ZSCAN25: variants seen among roughly 807,000 people sequenced by gnomAD.
ZSCAN25 encodes zinc finger and SCAN domain containing 25.
ZSCAN25 carries 27 observed loss-of-function variants against 38.7 expected under a neutral mutation model. That is an observed-to-expected ratio of 0.70 (90% CI 0.51 to 0.96). The LOEUF (loss-of-function observed/expected upper bound fraction) is 0.96, where lower values mean the gene tolerates loss of function less well. Among genes scored for constraint, ZSCAN25 ranks in the 40% least tolerant of loss-of-function variants. The probability of loss-of-function intolerance (pLI) is 0.00; values close to 1 mark genes in which losing one functional copy is unlikely to be tolerated. For missense variants in ZSCAN25, 637 were observed against 705.9 expected, an observed-to-expected ratio of 0.90 and a Z score of 1.11; for synonymous variants, 273 against 277.7, an observed-to-expected ratio of 0.98 and a Z score of 0.17.
In ZSCAN25 at chr7:99,631,010, T is replaced by TA. The variant is rs1386264553; in HGVS notation, c.*992dup. 33 of 951,794 alleles carry TA rather than the reference T, an allele frequency of 3.5e-5. No individual in the cohort carries two copies. In the African/African-American group the frequency reaches 5.5e-4, roughly 16 times the overall value. The allele number at this position is 951,794 out of a possible 1,614,324, so 59.0% of individuals were successfully genotyped here. ...TTCCCAAGTATTTATTGAGGCCCTGTAACAAACATGTCAGGAACTCTTCTG... is the reference window on the plus strand; with the variant it reads ...TTCCCAAGTATTTATTGAGGCCCTGTAAACAAACATGTCAGGAACTCTTCTG... On this transcript the variant is annotated 3_prime_UTR_variant, in exon 8 of 8. Transcript: ENST00000394152.
chr7:99,636,541 C>T (rs1224979130), downstream of ZSCAN25, among the ~76,000 whole-genome samples: 1 of 152,202 alleles, frequency 6.6e-6, no homozygotes, highest in African/African-American at 2.4e-5. Context: ...TCCAACTATA[C>T]CAAGATGTCC....
chr7:99,691,991 G>A, the ZSCAN25 span, among the ~76,000 whole-genome samples: 1 of 152,168 alleles, frequency 6.6e-6, no homozygotes, highest in East Asian at 1.9e-4. Context: ...TCATAGCATC[G>A]ATGGTCTTTA....
the ZSCAN25 span, chr7:99,717,329 A>G: frequency 6.2e-7 from 1 of 1,612,408 alleles, no homozygotes; most frequent in Non-Finnish European, 8.5e-7. Context: ...GAAGGACATG[A>G]CTTTGCCTGG....
chr7:99,659,273 T>G, the ZSCAN25 span: 1 of 152,396 alleles, frequency 6.6e-6, no homozygotes, highest in Non-Finnish European at 1.5e-5. Flanking sequence ...GTCCTTTCTG[T>G]TTGTTAGTTT....
intron 6 of ZSCAN25, 101 bp downstream of exon 6, chr7:99,622,741 A>C: frequency 9.0e-7 from 1 of 1,106,182 alleles, no homozygotes; most frequent in African/African-American, 1.6e-5. Context: ...TCCCGCCCCA[A>C]GTTGAGTCAT....
At chr7:99,658,310 G>A in the ZSCAN25 span, among the ~76,000 whole-genome samples, 16 of 152,236 alleles carry the variant, frequency 1.1e-4, no homozygotes, top group African/African-American at 3.9e-4. Context: ...TTGCTTGTCT[G>A]TAAAGTATTT....
chr7:99,732,823 C>A, the ZSCAN25 span, among the ~76,000 whole-genome samples: 1 of 152,128 alleles, frequency 6.6e-6, no homozygotes, highest in Non-Finnish European at 1.5e-5. Context: ...AAGGCAGGCA[C>A]CTTCTAATGG....
chr7:99,731,059 C>T, the ZSCAN25 span: 1 of 1,613,762 alleles, frequency 6.2e-7, no homozygotes, highest in African/African-American at 1.3e-5. Context: ...AAACACTCAC[C>T]TTACGGAAGG....
At chr7:99,647,769 T>C in the ZSCAN25 span, 4 of 985,432 alleles carry the variant, frequency 4.1e-6, no homozygotes, top group South Asian at 4.7e-5. Flanking sequence ...ATTACAATGA[T>C]AAAAAATGTT....
chr7:99,648,677 T>A, the ZSCAN25 span, among the ~76,000 whole-genome samples: 2 of 151,802 alleles, frequency 1.3e-5, no homozygotes, highest in Admixed American at 6.6e-5. Context: ...TTTTTTTTTT[T>A]ATTTAAATCT....
the ZSCAN25 span, chr7:99,720,695 G>T: frequency 2.8e-6 from 1 of 357,108 alleles, no homozygotes. Flanking sequence ...TGACAGGAGA[G>T]CATTTGTTAA....
At chr7:99,617,545 C>A (rs923171589) in intron 1 of ZSCAN25, among the ~76,000 whole-genome samples, 1 of 151,396 alleles carries the variant, frequency 6.6e-6, no homozygotes, top group Non-Finnish European at 1.5e-5. Flanking sequence ...CATGCCGCTG[C>A]ACTCCAGCCT....
the ZSCAN25 span, among the ~76,000 whole-genome samples, chr7:99,646,835 CACAT>C: frequency 3.6e-3 from 536 of 149,772 alleles, 1 homozygote; most frequent in African/African-American, 0.013. Flanking sequence ...CACACACACA[CACAT>C]GCATGCTCAC....
chr7:99,660,547 A>G, the ZSCAN25 span: 2 of 1,613,830 alleles, frequency 1.2e-6, no homozygotes, highest in Non-Finnish European at 1.7e-6. Flanking sequence ...TCTGCTGGAC[A>G]TCAGGGTGAG....
At position 99,630,531 on chromosome 7, in the gene ZSCAN25, C is replaced by T. The variant is rs1049206850; in HGVS notation, c.*511C>T. On this transcript the variant is annotated 3_prime_UTR_variant, in exon 8 of 8. Transcript: ENST00000394152. ...AGACGTGATGCCTCTGGGGGTTGTG[C>T]GTTGGGGATGCATGCGACAGCCCAT... The T allele has an allele frequency of 7.1e-6, 7 of 989,428 alleles. No homozygotes were observed. Among genetic ancestry groups the T allele is most frequent in the Middle Eastern group, 5.1e-4 (1 of 1,942 alleles). 61.3% of individuals were successfully genotyped at this position (989,428 alleles called of 1,614,324 possible).
At chr7:99,635,287 A>C (rs750875700), downstream of ZSCAN25, among the ~76,000 whole-genome samples, 27 of 152,064 alleles carry the variant, frequency 1.8e-4, no homozygotes, top group Non-Finnish European at 3.4e-4. Flanking sequence ...AGACTCATTT[A>C]CTTATATTAA....
At chr7:99,675,567 G>A in the ZSCAN25 span, among the ~76,000 whole-genome samples, 3 of 144,360 alleles carry the variant, frequency 2.1e-5, no homozygotes, top group Non-Finnish European at 4.5e-5. Context: ...GGTAAACCTG[G>A]CCATGCTTTG....
At chr7:99,709,388 T>C in the ZSCAN25 span, 3 of 1,405,414 alleles carry the variant, frequency 2.1e-6, no homozygotes, top group Non-Finnish European at 2.9e-6. Context: ...GATTGTAGCA[T>C]TCATAAAGTA....
the ZSCAN25 span, chr7:99,648,411 TAAAC>T: frequency 2.6e-6 from 4 of 1,543,996 alleles, no homozygotes; most frequent in Admixed American, 3.5e-5. Flanking sequence ...CTACAATAGT[TAAAC>T]AAGCATATGG....
Sources: gnomAD v4.1 joint callset for allele counts (sites outside exome capture counted in the v4.1 genomes callset) on GRCh38, gnomAD v4.1.1 for gene constraint, MANE v1.5 for transcripts, NCBI Gene and HGNC (gene_info 2026-07-23, HGNC 2026-07-21) for gene names.